Variants in DNAH5 observed in about 807,000 individuals in gnomAD.
DNAH5 encodes axonemal beta dynein heavy chain 5.
Under a neutral mutation model 518.2 loss-of-function variants are expected in DNAH5, and 372 were observed. The observed-to-expected ratio is 0.72, with a 90% CI of 0.66 to 0.78. The LOEUF (loss-of-function observed/expected upper bound fraction) is 0.78. Among genes scored for constraint, DNAH5 ranks in the 30% least tolerant of loss-of-function variants. DNAH5 has a pLI of 0.00. For synonymous variants in DNAH5, 2,039 were observed against 2,025.9 expected (o/e 1.01, Z -0.17); for missense variants, 5,523 against 5,687.0 (o/e 0.97, Z 0.93).
chr5:13,754,065 A>G lies in DNAH5; in HGVS notation c.10555+138T>C, dbSNP rs532817059. On this transcript the variant is annotated intron_variant, in intron 62 of 78. Coordinates refer to ENST00000265104, the MANE Select transcript of DNAH5 (RefSeq NM_001369.3). ...TATTATACTTTAAGTTTTAGGGTAC[A>G]TGCGCACAATGTGCGGGTTTGTTAC... 53 of 970,096 alleles carry G rather than the reference A, an allele frequency of 5.5e-5. No individual in the cohort carries two copies. In the Admixed American group the frequency reaches 6.8e-4, roughly 12 times the overall value. The allele number at this position is 970,096 out of a possible 1,614,324, so 60.1% of individuals were successfully genotyped here.
intron 54 of DNAH5, 23 bp from the exon 55 acceptor site, chr5:13,776,729 C>T (rs199995725): frequency 1.2e-6 from 2 of 1,612,496 alleles, no homozygotes; most frequent in East Asian, 2.2e-5. Flanking sequence ...TACAGGCATG[C>T]AAATTCAGTA....
intron 1 of DNAH5, among the ~76,000 whole-genome samples, chr5:13,953,897 G>T (rs534007663): frequency 2.0e-5 from 3 of 152,076 alleles, no homozygotes; most frequent in African/African-American, 7.2e-5. Flanking sequence ...TGGTAGAGAC[G>T]AGGTTTCACC....
chr5:13,700,554 T>C lies in DNAH5; in HGVS notation c.13723+86A>G, dbSNP rs1311642139. ...ATAAGAGAGCAAAATCTCTACTACA[T>C]GATAACAAAAATAATGAAATCCTGT... On this transcript the variant is annotated intron_variant, in intron 78 of 78. Transcript: ENST00000265104. 5.3e-6 allele frequency: 7 copies of C among 1,324,964 alleles called. No homozygotes were observed. The African/African-American group carries it at 8.7e-5, about 16-fold the overall frequency. 82.1% of individuals were successfully genotyped at this position (1,324,964 alleles called of 1,614,324 possible).
intron 1 of DNAH5, among the ~76,000 whole-genome samples, chr5:13,950,656 T>C (rs377053989): frequency 6.6e-6 from 1 of 152,230 alleles, no homozygotes; most frequent in Non-Finnish European, 1.5e-5. Flanking sequence ...GGGTTGTGAA[T>C]GAAGACATGT....
intron 60 of DNAH5, among the ~76,000 whole-genome samples, chr5:13,762,149 A>C (rs1751872437): frequency 1.3e-5 from 2 of 152,226 alleles, no homozygotes; most frequent in Non-Finnish European, 2.9e-5. Context: ...AATATGCAAA[A>C]ATGAAGCTTA....
intron 71 of DNAH5, among the ~76,000 whole-genome samples, chr5:13,720,309 A>T (rs1221129989): frequency 6.6e-6 from 1 of 152,256 alleles, no homozygotes. Flanking sequence ...AATTCAATAT[A>T]AAACACAGCA....
At chr5:13,982,541 CAT>C (rs1415668970) in intron 1 of DNAH5, among the ~76,000 whole-genome samples, 2 of 144,126 alleles carry the variant, frequency 1.4e-5, no homozygotes, top group East Asian at 2.0e-4. Flanking sequence ...AGTGAGTAGA[CAT>C]ATGCATTATT....
At chr5:13,892,709 T>A (rs947353175) in intron 16 of DNAH5, among the ~76,000 whole-genome samples, 1 of 152,242 alleles carries the variant, frequency 6.6e-6, no homozygotes, top group African/African-American at 2.4e-5. Context: ...TCTATCTTGG[T>A]CGCCTGTTCT....
At chr5:13,865,146 C>T (rs773045863) in intron 27 of DNAH5, among the ~76,000 whole-genome samples, 5 of 151,586 alleles carry the variant, frequency 3.3e-5, no homozygotes, top group Non-Finnish European at 5.9e-5. Flanking sequence ...AGGTACGTGC[C>T]GCCATGCCCA....
At position 13,867,771 on chromosome 5, in the gene DNAH5, T is replaced by C. The variant is rs753505327; in HGVS notation, c.4053+3A>G. 3.7e-6 allele frequency: 6 copies of C among 1,611,176 alleles called. No individual in the cohort carries two copies. The highest frequency in any genetic ancestry group is 5.1e-6 in the Non-Finnish European group (6 of 1,177,490). ...ACGCACACAGAGAAAGCCAGAGACA[T>C]ACCAAATCATAGTCCAGATAAAACT... On this transcript the variant is annotated splice_donor_region_variant and intron_variant, in intron 25 of 78. Coordinates refer to ENST00000265104, the MANE Select transcript of DNAH5 (RefSeq NM_001369.3).
chr5:13,891,226 A>T, intron 16 of DNAH5, 105 bp from the exon 17 acceptor site: 1 of 1,222,642 alleles, frequency 8.2e-7, no homozygotes, highest in East Asian at 2.5e-5. Context: ...AGCTTTAAAG[A>T]TTCTCAGTTA....
At chr5:13,803,381 A>G (rs1759082376) in intron 47 of DNAH5, among the ~76,000 whole-genome samples, 1 of 152,260 alleles carries the variant, frequency 6.6e-6, no homozygotes, top group African/African-American at 2.4e-5. Flanking sequence ...ATGAAAATAC[A>G]ATAATGCATA....
chr5:13,757,264 C>G (rs1025878400), intron 61 of DNAH5, among the ~76,000 whole-genome samples: 8 of 152,172 alleles, frequency 5.3e-5, no homozygotes, highest in African/African-American at 1.9e-4. Flanking sequence ...GTTTTTACGT[C>G]TTTGAGGAAT....
chr5:13,700,978 G>T (rs183528498), intron 77 of DNAH5, 107 bp from the exon 78 acceptor site: 4 of 1,168,468 alleles, frequency 3.4e-6, no homozygotes, highest in East Asian at 2.4e-5. Context: ...CTCGAAGGAC[G>T]TACAATAGTA....
At chr5:13,981,859 C>A (rs339424) in intron 1 of DNAH5, among the ~76,000 whole-genome samples, 35,563 of 152,172 alleles carry the variant, frequency 0.23, 4,273 homozygotes, top group Middle Eastern at 0.35. Context: ...CCACCCATAA[C>A]CATGTGGCCA....
rs147343215 is a variant in DNAH5, at chr5:13,779,562, G to T, written c.8951+1267C>A. Among the ~76,000 whole-genome samples the T allele has an allele frequency of 2.6e-5, 4 of 152,198 alleles. No homozygotes were observed. The East Asian group carries it at 7.7e-4, about 29-fold the overall frequency. ...CAGCCCAACCTAACTTCCCAAACTGGTCTCCTGGTTCTAACCTTATCTTGG... is the reference window on the plus strand; with the variant it reads ...CAGCCCAACCTAACTTCCCAAACTGTTCTCCTGGTTCTAACCTTATCTTGG... On this transcript the variant is annotated intron_variant, in intron 53 of 78. Transcript: ENST00000265104.
At chr5:13,895,923 C>G (rs1391761295) in intron 15 of DNAH5, among the ~76,000 whole-genome samples, 1 of 152,094 alleles carries the variant, frequency 6.6e-6, no homozygotes, top group Admixed American at 6.5e-5. Flanking sequence ...TCCTTGATTC[C>G]TCTTTCACTC....
At chr5:13,885,818 G>T in intron 18 of DNAH5, 146 bp downstream of exon 18, 1 of 794,410 alleles carries the variant, frequency 1.3e-6, no homozygotes, top group Non-Finnish European at 2.0e-6. Flanking sequence ...TATGCTCAGG[G>T]CCATAATTTC....
intron 62 of DNAH5, 35 bp downstream of exon 62, chr5:13,754,168 A>G: frequency 6.2e-7 from 1 of 1,613,566 alleles, no homozygotes; most frequent in Non-Finnish European, 8.5e-7. Flanking sequence ...TATCACAGTC[A>G]ACACACAATC....
Sources: allele counts gnomAD v4.1 joint callset (sites outside exome capture counted in the v4.1 genomes callset), GRCh38; gene constraint gnomAD v4.1.1; transcripts MANE v1.5; gene names NCBI Gene and HGNC (gene_info 2026-07-23, HGNC 2026-07-21).